The following SHCBP1L variants were observed in gnomAD, a reference collection of about 807,000 sequenced individuals.
SHCBP1L encodes SHC binding and spindle associated 1 like.
A neutral mutation model predicts 62.5 loss-of-function variants in SHCBP1L; 67 were observed. The ratio of observed to expected loss-of-function variants is 1.07; its 90% CI spans 0.88 to 1.31. The LOEUF is 1.31. Ranked by LOEUF, SHCBP1L falls within the 40% of genes most tolerant of loss-of-function variation. SHCBP1L has a pLI of 0.00. For missense variants in SHCBP1L, 823 were observed against 809.8 expected (o/e 1.02, Z -0.20); for synonymous variants, 284 against 289.4 (o/e 0.98, Z 0.19).
chr1:182,909,719 C>G (rs981183514), intron 6 of SHCBP1L, among the ~76,000 whole-genome samples: 1 of 152,148 alleles, frequency 6.6e-6, no homozygotes, highest in African/African-American at 2.4e-5. Context: ...GATTTGGATA[C>G]ATGCCAAGTG....
chr1:182,933,996 C>G (rs1651090195), intron 5 of SHCBP1L, among the ~76,000 whole-genome samples: 1 of 152,140 alleles, frequency 6.6e-6, no homozygotes, highest in Non-Finnish European at 1.5e-5. Context: ...TTTGCTAATT[C>G]AATCTACTTA....
intron 5 of SHCBP1L, among the ~76,000 whole-genome samples, chr1:182,934,270 T>C (rs1651098011): frequency 6.6e-6 from 1 of 152,158 alleles, no homozygotes; most frequent in African/African-American, 2.4e-5. Flanking sequence ...TGCCGAACAG[T>C]GCTCTAAAGA....
At chr1:182,911,849 T>C in intron 6 of SHCBP1L, among the ~76,000 whole-genome samples, 1 of 152,024 alleles carries the variant, frequency 6.6e-6, no homozygotes, top group East Asian at 1.9e-4. Flanking sequence ...ATGAACAGCA[T>C]CAAAGGGACC....
At chr1:182,918,103 T>A (rs1031708482) in intron 6 of SHCBP1L, among the ~76,000 whole-genome samples, 2 of 149,258 alleles carry the variant, frequency 1.3e-5, no homozygotes, top group African/African-American at 4.9e-5. Context: ...TATATATGTA[T>A]ATATACACAC....
chr1:182,901,522 G>A (rs778671158), intron 9 of SHCBP1L, among the ~76,000 whole-genome samples: 1 of 152,156 alleles, frequency 6.6e-6, no homozygotes, highest in Non-Finnish European at 1.5e-5. Flanking sequence ...TAATTTCTGG[G>A]AACACAAACA....
At chr1:182,909,208 G>T (rs534630817) in intron 6 of SHCBP1L, among the ~76,000 whole-genome samples, 1 of 152,064 alleles carries the variant, frequency 6.6e-6, no homozygotes, top group Non-Finnish European at 1.5e-5. Context: ...TTTAATTTTG[G>T]TGCCAATAAA....
At chr1:182,943,413 T>C (rs1651442209) in intron 2 of SHCBP1L, among the ~76,000 whole-genome samples, 1 of 149,664 alleles carries the variant, frequency 6.7e-6, no homozygotes, top group African/African-American at 2.5e-5. Context: ...TGAGCCACCA[T>C]GCCTGGCCTA....
chr1:182,903,684 A>G (rs893236834), intron 8 of SHCBP1L, among the ~76,000 whole-genome samples: 10 of 151,854 alleles, frequency 6.6e-5, no homozygotes, highest in African/African-American at 2.2e-4. Flanking sequence ...ATTGTTAAAG[A>G]CAAGGTCTTT....
rs546291549 is a variant in SHCBP1L, at chr1:182,951,804, T to A, written c.406-337A>T. 3.1e-4 allele frequency: 71 copies of A among 232,406 alleles called. 1 individual carries two copies. In the South Asian group the frequency reaches 3.1e-3, roughly 10 times the overall value. 14.4% of individuals were successfully genotyped at this position (232,406 alleles called of 1,614,324 possible). On this transcript the variant is annotated intron_variant, in intron 1 of 9. Coordinates refer to ENST00000367547, the MANE Select transcript of SHCBP1L (RefSeq NM_030933.4). The stretch of plus-strand genomic sequence containing the variant: ...TTCTGCTACAACTTAAAAAAATAGG[T>A]TAGAAACATGAAATATTTGCTCTAT...
chr1:182,905,569 A>G lies in SHCBP1L; in HGVS notation c.1263T>C (p.Asp421=). ...DLALDNCYSG[D]TVIIFPGEYQ... is the part of the protein sequence containing the mutation. ...ATTCTCCTGGAAAAATTATTACTGT[A>G]TCTCCACTATAACAATTATCCAAAG... The change falls in exon 7 of 10, where the codon GAT becomes GAC. Residue 421 remains aspartate (D), a synonymous_variant. Coordinates refer to ENST00000367547, the MANE Select transcript of SHCBP1L (RefSeq NM_030933.4). 6.2e-7 allele frequency: 1 copy of G among 1,613,780 alleles called. No individual in the cohort carries two copies. Among genetic ancestry groups the G allele is most frequent in the East Asian group, 2.2e-5 (1 of 44,766 alleles).
chr1:182,924,417 C>A (rs1650610592), intron 6 of SHCBP1L, among the ~76,000 whole-genome samples: 1 of 151,526 alleles, frequency 6.6e-6, no homozygotes, highest in Admixed American at 6.6e-5. Flanking sequence ...CCTGCCTCAG[C>A]CTCCCGAGTA....
chr1:182,952,173 AAAAAAAAAAAAAAAAAAAATATATATAT>A (rs1651770835), intron 1 of SHCBP1L, among the ~76,000 whole-genome samples: 1 of 40,428 alleles, frequency 2.5e-5, no homozygotes, highest in East Asian at 8.3e-4. Flanking sequence ...AAAAAAAAAA[AAAAAAAAAAAAAAAAAAAATATATATAT>A]ATATATATAT....
intron 6 of SHCBP1L, among the ~76,000 whole-genome samples, chr1:182,921,223 G>A (rs1422943272): frequency 1.3e-5 from 2 of 152,148 alleles, no homozygotes; most frequent in Non-Finnish European, 2.9e-5. Flanking sequence ...CCTACATTCA[G>A]CAATCTTAAA....
chr1:182,911,342 G>A (rs528434742), intron 6 of SHCBP1L, among the ~76,000 whole-genome samples: 16 of 152,136 alleles, frequency 1.1e-4, no homozygotes, highest in Non-Finnish European at 1.8e-4. Flanking sequence ...CAAACATACA[G>A]CTGCAGTCAT....
chr1:182,917,083 T>G (rs973886244), intron 6 of SHCBP1L, among the ~76,000 whole-genome samples: 1 of 152,146 alleles, frequency 6.6e-6, no homozygotes, highest in African/African-American at 2.4e-5. Flanking sequence ...CTTTCCCAAA[T>G]TCCTCCAAAA....
In SHCBP1L at chr1:182,952,801, C is replaced by T; in HGVS notation, c.333G>A (p.Val111=). The change falls in exon 1 of 10, where the codon GTG becomes GTA. Residue 111 remains valine, a synonymous_variant. Coordinates refer to ENST00000367547, the MANE Select transcript of SHCBP1L (RefSeq NM_030933.4). ...EEAQPLPPVC[V]SRMRGMWRDE... ...CCCGCCACATCCCCCTCATACGGGA[C>T]ACGCAGACTGGGGGCAGGGGCTGCG... The T allele has an allele frequency of 6.2e-7, 1 of 1,612,814 alleles. No homozygotes were observed. Among genetic ancestry groups the T allele is most frequent in the Non-Finnish European group, 8.5e-7 (1 of 1,179,552 alleles).
intron 2 of SHCBP1L, 92 bp from the exon 3 acceptor site, chr1:182,940,635 T>C (rs574954597): frequency 4.4e-5 from 46 of 1,047,438 alleles, no homozygotes; most frequent in Non-Finnish European, 5.9e-5. Flanking sequence ...ATTATAAAGT[T>C]TCTTCTTTTA....
intron 5 of SHCBP1L, among the ~76,000 whole-genome samples, chr1:182,936,350 G>T (rs1397109856): frequency 6.6e-6 from 1 of 151,722 alleles, no homozygotes; most frequent in Middle Eastern, 3.2e-3. Flanking sequence ...TGGCCAGGCT[G>T]GTCTGGACTC....
At chr1:182,904,606 G>A (rs1025177034) in intron 7 of SHCBP1L, among the ~76,000 whole-genome samples, 176 bp from the exon 8 acceptor site, 2 of 145,062 alleles carry the variant, frequency 1.4e-5, no homozygotes, top group African/African-American at 2.5e-5. Flanking sequence ...GATGGTTCTC[G>A]CTATGTTGCC....
Sources: gnomAD v4.1 joint callset for allele counts (sites outside exome capture counted in the v4.1 genomes callset) on GRCh38, gnomAD v4.1.1 for gene constraint, MANE v1.5 for transcripts, NCBI Gene and HGNC (gene_info 2026-07-23, HGNC 2026-07-21) for gene names.